GTF3C2: variants seen among roughly 807,000 people sequenced by gnomAD.
GTF3C2 encodes general transcription factor 3C polypeptide 2.
GTF3C2 carries 17 observed loss-of-function variants against 117.4 expected under a neutral mutation model. The ratio of observed to expected loss-of-function variants is 0.14; its 90% CI spans 0.10 to 0.22. GTF3C2 has a LOEUF of 0.22. Among genes scored for constraint, GTF3C2 ranks in the 10% least tolerant of loss-of-function variants. The probability of loss-of-function intolerance (pLI) is 1.00; values close to 1 mark genes in which losing one functional copy is unlikely to be tolerated. For missense variants in GTF3C2, 888 were observed against 1,143.6 expected (o/e 0.78, Z 3.22); for synonymous variants, 437 against 427.0 (o/e 1.02, Z -0.29).
At position 27,337,228 on chromosome 2, in the gene GTF3C2, G is replaced by C. The variant is rs1680520218; in HGVS notation, c.1127+16C>G. 6.9e-7 allele frequency: 1 copy of C among 1,454,078 alleles called. No individual in the cohort carries two copies. The highest frequency in any genetic ancestry group is 9.6e-7 in the Non-Finnish European group (1 of 1,042,960). 90.1% of individuals were successfully genotyped at this position (1,454,078 alleles called of 1,614,324 possible). On this transcript the variant is annotated intron_variant, in intron 7 of 18. Coordinates refer to ENST00000264720, the Ensembl canonical transcript of GTF3C2. ...GCTCCTAGAATCAGAAAAAAGGGCG[G>C]ATGTGCAATCTTCACCTGTTTATTC...
chr2:27,347,200 G>A (rs1041948219), intron 1 of GTF3C2, among the ~76,000 whole-genome samples: 2 of 152,184 alleles, frequency 1.3e-5, no homozygotes, highest in African/African-American at 4.8e-5. Flanking sequence ...CAAAGGGGCA[G>A]ACATAGTTCA....
rs573761833 is a variant in GTF3C2, at chr2:27,342,113, T to C, written c.690A>G (p.Pro230=). Residue 230 remains proline, a synonymous_variant, in exon 4 of 19, where the codon CCA becomes CCG. Coordinates refer to ENST00000264720, the Ensembl canonical transcript of GTF3C2. ...CCTCTTCTCCACCTGGACAGGCTGC[T>C]GGCTGCCGGATCTTCTTCGGTTTGG... The C allele has an allele frequency of 5.9e-5, 95 of 1,614,192 alleles. No individual in the cohort carries two copies. The African/African-American group carries it at 1.1e-3, about 18-fold the overall frequency.
At chr2:27,328,823 G>T in intron 15 of GTF3C2, 21 bp downstream of exon 15, 3 of 1,571,366 alleles carry the variant, frequency 1.9e-6, no homozygotes, top group Non-Finnish European at 2.6e-6. Flanking sequence ...AATGAAGACT[G>T]CAAAAGAAAG....
At chr2:27,328,400 T>C in intron 16 of GTF3C2, 68 bp downstream of exon 16, 2 of 1,544,320 alleles carry the variant, frequency 1.3e-6, no homozygotes, top group Non-Finnish European at 1.8e-6. Flanking sequence ...TAGTTTGTAC[T>C]CTACCAGAAT....
At chr2:27,343,491 C>T (rs1172512707) in exon 2 of GTF3C2, 1 of 1,613,986 alleles carries the variant, frequency 6.2e-7, no homozygotes, top group Non-Finnish European at 8.5e-7. Flanking sequence ...GAGTCTACCA[C>T]AGTCATGTTC....
chr2:27,328,711 G>A (rs1009941696), intron 15 of GTF3C2, 115 bp from the exon 16 acceptor site: 14 of 1,085,944 alleles, frequency 1.3e-5, no homozygotes, highest in African/African-American at 3.1e-5. Flanking sequence ...TACCATAACC[G>A]ACAGCCCTGA....
intron 4 of GTF3C2, chr2:27,340,763 G>T (rs530220225): frequency 1.3e-5 from 2 of 151,962 alleles, no homozygotes; most frequent in Non-Finnish European, 2.9e-5. Context: ...TGGGATTACA[G>T]GCGTGCGCCA....
chr2:27,356,513 G>A (rs986364201), intron 1 of GTF3C2: 7 of 230,004 alleles, frequency 3.0e-5, no homozygotes, highest in Admixed American at 1.9e-4. Flanking sequence ...GGGGGAGGAG[G>A]GCAAGACCCG....
At chr2:27,347,204 T>C (rs537286327) in intron 1 of GTF3C2, among the ~76,000 whole-genome samples, 12 of 152,274 alleles carry the variant, frequency 7.9e-5, no homozygotes, top group African/African-American at 2.9e-4. Context: ...GGGGCAGACA[T>C]AGTTCAAATC....
At chr2:27,350,453 A>T (rs1681090748) in intron 1 of GTF3C2, 1 of 985,574 alleles carries the variant, frequency 1.0e-6, no homozygotes, top group Non-Finnish European at 1.2e-6. Flanking sequence ...GTTGGTAGGA[A>T]CAAGTGCTTA....
chr2:27,348,192 G>A (rs182130951), intron 1 of GTF3C2, among the ~76,000 whole-genome samples: 200 of 152,130 alleles, frequency 1.3e-3, no homozygotes, highest in African/African-American at 4.6e-3. Context: ...GCTTGAACCC[G>A]GGAGGCAGAG....
At chr2:27,354,904 A>G (rs917544397) in intron 1 of GTF3C2, among the ~76,000 whole-genome samples, 6 of 152,236 alleles carry the variant, frequency 3.9e-5, no homozygotes, top group African/African-American at 1.2e-4. Context: ...AAATACTGCA[A>G]TAAATATTCT....
intron 17 of GTF3C2, 141 bp from the exon 18 acceptor site, chr2:27,327,425 A>G (rs1475775067): frequency 2.1e-6 from 1 of 469,690 alleles, no homozygotes; most frequent in Non-Finnish European, 3.8e-6. Flanking sequence ...TCCCAGGTTC[A>G]AGTGATTCTC....
intron 1 of GTF3C2, among the ~76,000 whole-genome samples, chr2:27,347,007 C>A (rs971233680): frequency 6.6e-6 from 1 of 152,172 alleles, no homozygotes; most frequent in African/African-American, 2.4e-5. Flanking sequence ...AGAAACCTTT[C>A]CACATTGAAG....
In GTF3C2 at chr2:27,329,044, C is replaced by G; in HGVS notation, c.2039+77G>C. 6.5e-7 allele frequency: 1 copy of G among 1,532,396 alleles called. No individual in the cohort carries two copies. The highest frequency in any genetic ancestry group is 1.1e-5 in the South Asian group (1 of 89,334). 94.9% of individuals were successfully genotyped at this position (1,532,396 alleles called of 1,614,324 possible). On this transcript the variant is annotated intron_variant, in intron 14 of 18. Coordinates refer to ENST00000264720, the Ensembl canonical transcript of GTF3C2. This position sits in a 1 kb window ranked among gnomAD's most constrained non-coding sequence, Gnocchi z 4.5. ...TGAACCAACTCTCTACCCTCCTCTC[C>G]CCACAACAATCTGGCATGCTTTGCA...
chr2:27,327,784 C>T (rs1296445151), intron 17 of GTF3C2, among the ~76,000 whole-genome samples: 6 of 152,176 alleles, frequency 3.9e-5, no homozygotes, highest in African/African-American at 1.2e-4. Context: ...CGCGCCACCA[C>T]GCCCAGCTAA....
intron 1 of GTF3C2, among the ~76,000 whole-genome samples, chr2:27,355,490 A>G (rs1422594026): frequency 6.6e-6 from 1 of 151,916 alleles, no homozygotes; most frequent in Non-Finnish European, 1.5e-5. Flanking sequence ...ACTGCACTCC[A>G]GCCTGGGCAA....
chr2:27,342,910 C>T (rs987645796), exon 3 of GTF3C2: 3 of 1,614,036 alleles, frequency 1.9e-6, no homozygotes, highest in African/African-American at 1.3e-5. Flanking sequence ...AGATTCTGGC[C>T]GATCTAGGTC....
At chr2:27,348,170 C>T (rs537198420) in intron 1 of GTF3C2, among the ~76,000 whole-genome samples, 3 of 151,584 alleles carry the variant, frequency 2.0e-5, no homozygotes, top group African/African-American at 4.9e-5. Context: ...GGGAGGCTGA[C>T]GCAGGAGAAC....
Sources: allele counts gnomAD v4.1 joint callset (sites outside exome capture counted in the v4.1 genomes callset), GRCh38; gene constraint gnomAD v4.1.1; non-coding constraint Gnocchi (gnomAD v3.1); transcripts MANE v1.5; gene names NCBI Gene and HGNC (gene_info 2026-07-23, HGNC 2026-07-21).